NFIL3: variants seen among roughly 807,000 people sequenced by gnomAD.
NFIL3 encodes the protein nuclear factor, interleukin 3 regulated, also known as nuclear factor interleukin-3-regulated protein.
Under a neutral mutation model 10.0 loss-of-function variants are expected in NFIL3, and 5 were observed. That is an observed-to-expected ratio of 0.50 (90% confidence interval 0.26 to 1.06). NFIL3 has a LOEUF of 1.06. NFIL3 is among the 50% of genes least tolerant of loss of function. The probability of loss-of-function intolerance (pLI) is 0.13; values close to 1 mark genes in which losing one functional copy is unlikely to be tolerated. For missense variants in NFIL3, 436 were observed against 547.6 expected, an observed-to-expected ratio of 0.80 and a Z score of 2.03; for synonymous variants, 202 against 206.5, an observed-to-expected ratio of 0.98 and a Z score of 0.19.
the NFIL3 span, among the ~76,000 whole-genome samples, chr9:91,441,571 G>A: frequency 6.6e-6 from 1 of 152,062 alleles, no homozygotes; most frequent in African/African-American, 2.4e-5. Flanking sequence ...TGGTTGTCCT[G>A]TGGATCCTTT....
At chr9:91,451,585 G>A in the NFIL3 span, among the ~76,000 whole-genome samples, 4 of 152,136 alleles carry the variant, frequency 2.6e-5, no homozygotes, top group African/African-American at 9.7e-5. Context: ...CTCTTTATCT[G>A]GACCCATTCC....
upstream of NFIL3, chr9:91,427,197 A>C (rs1457944061): frequency 6.7e-6 from 1 of 148,394 alleles, no homozygotes; most frequent in African/African-American, 2.4e-5. Flanking sequence ...TTTTTGGTAA[A>C]ATATCCTGAT....
chr9:91,445,862 T>C, the NFIL3 span, among the ~76,000 whole-genome samples: 1 of 151,836 alleles, frequency 6.6e-6, no homozygotes, highest in Non-Finnish European at 1.5e-5. Context: ...AGCTCAGGGG[T>C]AGGTTGTAGT....
At chr9:91,428,088 C>T (rs1197056729), upstream of NFIL3, among the ~76,000 whole-genome samples, 1 of 152,190 alleles carries the variant, frequency 6.6e-6, no homozygotes, top group Non-Finnish European at 1.5e-5. Flanking sequence ...GAGGCAGAAA[C>T]TTCCTGGAAT....
Position 91,410,711 on chromosome 9 carries a change from G to T in NFIL3, c.24C>A (p.Thr8=), listed in dbSNP as rs754767782. The change falls in exon 2 of 2, where the codon ACC becomes ACA. Residue 8 remains threonine (T), a synonymous_variant. Transcript: ENST00000297689. This position sits in a 1 kb window ranked among gnomAD's most constrained non-coding sequence, Gnocchi z 5.7. ...CAAGAGACGCCTGCTCCTTTTTGAC[G>T]GTCTGCATTTTTCTCAGCTGCATCA... MQLRKMQ[T]VKKEQASLDA... The T allele has an allele frequency of 2.5e-6, 4 of 1,596,996 alleles. No individual in the cohort carries two copies. The highest frequency in any genetic ancestry group is 1.8e-5 in the Admixed American group (1 of 55,548).
chr9:91,418,705 C>CTTATAAA (rs1833703840), intron 1 of NFIL3, among the ~76,000 whole-genome samples: 1 of 151,952 alleles, frequency 6.6e-6, no homozygotes, highest in African/African-American at 2.4e-5. Context: ...AACTAAAAGG[C>CTTATAAA]TTATAAACAT....
the NFIL3 span, among the ~76,000 whole-genome samples, chr9:91,454,927 A>G: frequency 1.3e-5 from 2 of 152,218 alleles, no homozygotes; most frequent in Admixed American, 1.3e-4. Context: ...CATCATTTAA[A>G]AATATTTATT....
chr9:91,423,370 C>CG (rs1427379472), intron 1 of NFIL3, among the ~76,000 whole-genome samples: 1 of 152,116 alleles, frequency 6.6e-6, no homozygotes, highest in Non-Finnish European at 1.5e-5. Context: ...GCAACAGCAG[C>CG]GGGGGGAGAG....
At chr9:91,466,998 T>A in the NFIL3 span, among the ~76,000 whole-genome samples, 1 of 152,108 alleles carries the variant, frequency 6.6e-6, no homozygotes, top group Non-Finnish European at 1.5e-5. Context: ...ATTCCCCCAA[T>A]GAAGAGGGAA....
At chr9:91,481,848 A>G in the NFIL3 span, among the ~76,000 whole-genome samples, 3 of 152,116 alleles carry the variant, frequency 2.0e-5, no homozygotes, top group Admixed American at 6.6e-5. Flanking sequence ...AAATAGTCAT[A>G]AAATATTAAT....
At chr9:91,477,611 A>T in the NFIL3 span, among the ~76,000 whole-genome samples, 1 of 152,206 alleles carries the variant, frequency 6.6e-6, no homozygotes, top group African/African-American at 2.4e-5. Flanking sequence ...GGAAAAATCA[A>T]TCGCTTTCCA....
chr9:91,436,575 CTCA>C, the NFIL3 span, among the ~76,000 whole-genome samples: 2 of 127,168 alleles, frequency 1.6e-5, no homozygotes, highest in African/African-American at 6.5e-5. Context: ...AAGACTCTGC[CTCA>C]ACAACAACAA....
chr9:91,471,910 A>G, the NFIL3 span, among the ~76,000 whole-genome samples: 26 of 152,088 alleles, frequency 1.7e-4, no homozygotes, highest in South Asian at 4.1e-4. Flanking sequence ...TGGTGACAAA[A>G]TCTCTCAGCA....
At chr9:91,423,371 G>C (rs1243508249) in intron 1 of NFIL3, among the ~76,000 whole-genome samples, 8 of 152,112 alleles carry the variant, frequency 5.3e-5, no homozygotes, top group African/African-American at 1.9e-4. Context: ...CAACAGCAGC[G>C]GGGGGAGAGC....
At chr9:91,474,089 T>TTC in the NFIL3 span, among the ~76,000 whole-genome samples, 1 of 151,378 alleles carries the variant, frequency 6.6e-6, no homozygotes, top group Non-Finnish European at 1.5e-5. Flanking sequence ...GGTTTTTGTT[T>TTC]TTTTTTTTTA....
chr9:91,476,023 T>A, the NFIL3 span, among the ~76,000 whole-genome samples: 4 of 152,372 alleles, frequency 2.6e-5, no homozygotes, highest in Non-Finnish European at 5.9e-5. Context: ...AGTGAATGAA[T>A]GAATGAATGA....
chr9:91,460,841 G>C, the NFIL3 span, among the ~76,000 whole-genome samples: 1 of 152,110 alleles, frequency 6.6e-6, no homozygotes, highest in African/African-American at 2.4e-5. Context: ...CCTCTGAAAG[G>C]CATTACAACT....
At chr9:91,411,405 T>TA (rs1564155404) in intron 1 of NFIL3, among the ~76,000 whole-genome samples, 3 of 151,586 alleles carry the variant, frequency 2.0e-5, no homozygotes, top group South Asian at 4.2e-4. Context: ...TTAACGTGAG[T>TA]AAAAAAAAAG....
the NFIL3 span, among the ~76,000 whole-genome samples, chr9:91,448,458 A>T: frequency 6.6e-6 from 1 of 152,192 alleles, no homozygotes; most frequent in Non-Finnish European, 1.5e-5. Flanking sequence ...GCAGGAACTA[A>T]TCCAATCCTG....
Sources: gnomAD v4.1 joint callset for allele counts (sites outside exome capture counted in the v4.1 genomes callset) on GRCh38, gnomAD v4.1.1 for gene constraint, Gnocchi (gnomAD v3.1) non-coding constraint, MANE v1.5 for transcripts, NCBI Gene and HGNC (gene_info 2026-07-23, HGNC 2026-07-21) for gene names.